COL4A5: variants seen among roughly 807,000 people sequenced by gnomAD.
COL4A5 encodes the protein collagen type IV alpha 5 chain, also known as collagen alpha-5(IV) chain.
Under a neutral mutation model 130.2 loss-of-function variants are expected in COL4A5, and 26 were observed. That is an observed-to-expected ratio of 0.20 (90% CI 0.15 to 0.28). The LOEUF is 0.28. Ranked by LOEUF, COL4A5 falls within the 10% of genes least tolerant of loss-of-function variation. COL4A5 has a pLI of 1.00. For synonymous variants in COL4A5, 496 were observed against 439.6 expected (o/e 1.13, Z -1.60); for missense variants, 1,131 against 1,344.3 (o/e 0.84, Z 2.48).
At chrX:108,688,500 G>A (rs2068589932) in intron 49 of COL4A5, among the ~76,000 whole-genome samples, 1 of 110,107 alleles carries the variant, frequency 9.1e-6, no homozygotes, top group Admixed American at 9.7e-5. Flanking sequence ...CAATGGCGTG[G>A]TCTCAGCTCA....
chrX:108,606,426 T>A (rs1220605169), intron 28 of COL4A5, among the ~76,000 whole-genome samples: 1 of 111,251 alleles, frequency 9.0e-6, no homozygotes, highest in Non-Finnish European at 1.9e-5. Context: ...AATTGTTTAG[T>A]ATTATCTAAT....
intron 36 of COL4A5, chrX:108,626,909 T>A (rs2067163676): frequency 1.1e-5 from 8 of 758,720 alleles, no homozygotes; most frequent in Non-Finnish European, 1.1e-5. Flanking sequence ...ATTGTTTAGT[T>A]CCATGTCAAA....
Position 108,591,228 on chromosome X carries a change from C to T in COL4A5, c.1336C>T (p.Pro446Ser). ...PPGPAGPHIP[P>S]SDEICEPGPP... The stretch of plus-strand genomic sequence containing the variant: ...TGGCCCTGCTGGCCCTCACATTCCT[C>T]CTAGTAAGCTATATTTTTCTCCTAT... Residue 446 changes from proline (P) to serine (S), a missense_variant, in exon 20 of 53, where the codon CCT (proline) becomes TCT (serine). Transcript: ENST00000328300. 1 of 1,206,756 alleles carries T rather than the reference C, an allele frequency of 8.3e-7. No individual in the cohort carries two copies. Among genetic ancestry groups the T allele is most frequent in the Non-Finnish European group, 1.1e-6 (1 of 892,703 alleles).
intron 4 of COL4A5, among the ~76,000 whole-genome samples, chrX:108,565,768 T>TC (rs753244390): frequency 1.8e-5 from 2 of 111,546 alleles, no homozygotes; most frequent in South Asian, 7.5e-4. Context: ...TGTTCCTCTG[T>TC]CCCCCATATT....
intron 2 of COL4A5, among the ~76,000 whole-genome samples, chrX:108,553,964 T>G (rs2065786754): frequency 1.8e-5 from 2 of 111,996 alleles, no homozygotes; most frequent in East Asian, 5.6e-4. Flanking sequence ...ACTGAAAAGT[T>G]AGACAAAAAG....
chrX:108,664,767 C>G (rs910917817), intron 37 of COL4A5, among the ~76,000 whole-genome samples: 2 of 111,774 alleles, frequency 1.8e-5, no homozygotes, highest in African/African-American at 6.5e-5. Context: ...ATAGATACTT[C>G]ACGAAAGAAG....
chrX:108,451,240 A>G (rs1179424574), intron 1 of COL4A5, among the ~76,000 whole-genome samples: 1 of 110,487 alleles, frequency 9.1e-6, no homozygotes, highest in Non-Finnish European at 1.9e-5. Context: ...AATCCAGTCT[A>G]TCATTGTTGG....
intron 30 of COL4A5, among the ~76,000 whole-genome samples, chrX:108,615,697 A>G (rs754306573): frequency 6.3e-4 from 70 of 111,790 alleles, no homozygotes; most frequent in African/African-American, 1.9e-3. Context: ...CTGTCTGGTG[A>G]TGTGAATTCT....
chrX:108,574,697 A>G (rs2066117516), intron 9 of COL4A5, among the ~76,000 whole-genome samples: 1 of 112,442 alleles, frequency 8.9e-6, no homozygotes, highest in Admixed American at 9.4e-5. Context: ...ATTATTGGAT[A>G]TGGCTTTAGT....
intron 1 of COL4A5, among the ~76,000 whole-genome samples, chrX:108,448,926 T>A (rs1194196069): frequency 9.0e-6 from 1 of 111,599 alleles, no homozygotes; most frequent in African/African-American, 3.3e-5. Flanking sequence ...GCTGCTGCAG[T>A]TCCAGGAATC....
At chrX:108,598,053 T>C (rs755014923) in intron 24 of COL4A5, among the ~76,000 whole-genome samples, 1 of 110,336 alleles carries the variant, frequency 9.1e-6, no homozygotes, top group East Asian at 2.9e-4. Context: ...TAGCCGGGCA[T>C]GGTGGTGGGC....
intron 1 of COL4A5, among the ~76,000 whole-genome samples, chrX:108,453,037 G>C (rs776597251): frequency 1.8e-5 from 2 of 111,101 alleles, no homozygotes; most frequent in Non-Finnish European, 3.8e-5. Context: ...TAGCCTGAAG[G>C]GTTGTTGAAT....
chrX:108,536,372 G>A (rs1238216057), intron 1 of COL4A5, among the ~76,000 whole-genome samples: 1 of 110,085 alleles, frequency 9.1e-6, no homozygotes, highest in Non-Finnish European at 1.9e-5. Flanking sequence ...GTTGTGATGT[G>A]TTTTACTGTG....
chrX:108,563,093 T>C (rs2065918842), intron 3 of COL4A5, among the ~76,000 whole-genome samples: 1 of 111,648 alleles, frequency 9.0e-6, no homozygotes, highest in African/African-American at 3.2e-5. Flanking sequence ...GAACCATAAC[T>C]TAGCATTGTA....
chrX:108,522,738 G>A (rs1291517767), intron 1 of COL4A5, among the ~76,000 whole-genome samples: 2 of 107,991 alleles, frequency 1.9e-5, no homozygotes, highest in Non-Finnish European at 3.8e-5. Flanking sequence ...TCTGTAGGTT[G>A]TCTTTTCACT....
At chrX:108,460,656 ATTTTTTTTTTTT>A (rs751991149) in intron 1 of COL4A5, among the ~76,000 whole-genome samples, 10 of 39,454 alleles carry the variant, frequency 2.5e-4, no homozygotes, top group East Asian at 6.5e-4. Context: ...CGCCTGGCAA[ATTTTTTTTTTTT>A]TTTTTTTTTT....
At chrX:108,561,449 C>A (rs192349700) in intron 3 of COL4A5, among the ~76,000 whole-genome samples, 1 of 109,852 alleles carries the variant, frequency 9.1e-6, no homozygotes, top group Non-Finnish European at 1.9e-5. Flanking sequence ...AATAGCATCT[C>A]AATGTGCATA....
At chrX:108,602,145 A>G (rs1339094507) in intron 27 of COL4A5, among the ~76,000 whole-genome samples, 156 bp downstream of exon 27, 2 of 112,636 alleles carry the variant, frequency 1.8e-5, no homozygotes, top group African/African-American at 3.2e-5. Flanking sequence ...TTTTCACTGT[A>G]AGTTCATTAT....
intron 1 of COL4A5, among the ~76,000 whole-genome samples, chrX:108,532,123 G>A (rs2065393207): frequency 9.0e-6 from 1 of 111,268 alleles, no homozygotes; most frequent in African/African-American, 3.3e-5. Context: ...AATCAGACAA[G>A]GATTCAACCA....
Sources: allele counts gnomAD v4.1 joint callset (sites outside exome capture counted in the v4.1 genomes callset), GRCh38; gene constraint gnomAD v4.1.1; transcripts MANE v1.5; gene names NCBI Gene and HGNC (gene_info 2026-07-23, HGNC 2026-07-21).